Variants in FAM47E observed in about 807,000 individuals in gnomAD.
FAM47E encodes the protein protein FAM47E.
A neutral mutation model predicts 41.6 loss-of-function variants in FAM47E; 32 were observed. That is an observed-to-expected ratio of 0.77 (90% CI 0.58 to 1.03). The LOEUF (loss-of-function observed/expected upper bound fraction) is 1.03. Among genes scored for constraint, FAM47E ranks in the 50% least tolerant of loss-of-function variants. The pLI is 0.00. For missense variants in FAM47E, 424 were observed against 485.4 expected (o/e 0.87, Z 1.19); for synonymous variants, 184 against 188.7 (o/e 0.98, Z 0.20).
chr4:76,282,413 A>C (rs565763839), intron 7 of FAM47E: 1 of 152,304 alleles, frequency 6.6e-6, no homozygotes, highest in East Asian at 1.9e-4. Context: ...CAAGGGTCGC[A>C]TTCCATTCCC....
At chr4:76,215,247 T>C (rs1421171757) in intron 1 of FAM47E, among the ~76,000 whole-genome samples, 1 of 152,212 alleles carries the variant, frequency 6.6e-6, no homozygotes, top group Non-Finnish European at 1.5e-5. Flanking sequence ...GCAACTATAG[T>C]GTATTATCCT....
At chr4:76,274,009 A>C (rs1051492124) in intron 5 of FAM47E, among the ~76,000 whole-genome samples, 1 of 152,180 alleles carries the variant, frequency 6.6e-6, no homozygotes, top group South Asian at 2.1e-4. Context: ...CATAAAAAAC[A>C]TAGTTATAAC....
At chr4:76,233,161 T>A (rs1733521744) in intron 2 of FAM47E, among the ~76,000 whole-genome samples, 1 of 152,252 alleles carries the variant, frequency 6.6e-6, no homozygotes, top group African/African-American at 2.4e-5. Flanking sequence ...CATGTTGTAA[T>A]GGTAACTCCT....
At chr4:76,226,548 G>A (rs1733402481) in intron 2 of FAM47E, among the ~76,000 whole-genome samples, 1 of 152,012 alleles carries the variant, frequency 6.6e-6, no homozygotes, top group Non-Finnish European at 1.5e-5. Flanking sequence ...GTGCTGTGGG[G>A]CAGCCTTCCA....
At chr4:76,229,331 C>T (rs1733453486) in intron 2 of FAM47E, among the ~76,000 whole-genome samples, 1 of 152,148 alleles carries the variant, frequency 6.6e-6, no homozygotes, top group African/African-American at 2.4e-5. Context: ...CTTCTGAATT[C>T]TTCATGTGGC....
chr4:76,223,901 G>C (rs979791261), intron 2 of FAM47E, among the ~76,000 whole-genome samples: 1 of 152,146 alleles, frequency 6.6e-6, no homozygotes, highest in African/African-American at 2.4e-5. Context: ...GGACATTCAG[G>C]CTTGATCTTT....
chr4:76,256,501 T>G lies in FAM47E; in HGVS notation c.398T>G (p.Leu133Arg). 6.4e-7 allele frequency: 1 copy of G among 1,550,502 alleles called. No individual in the cohort carries two copies. The highest frequency in any genetic ancestry group is 1.4e-5 in the African/African-American group (1 of 73,084). ...TPHPLALYLN[L>R]EEAMPIELLS... is the part of the protein sequence containing the mutation. Reference sequence around the variant, plus strand: ...CATCCCTTAGCGCTCTACCTGAATCTGGAAGAAGCTATGCCCATAGAGGTG... The same window carrying G: ...CATCCCTTAGCGCTCTACCTGAATCGGGAAGAAGCTATGCCCATAGAGGTG... Residue 133 changes from leucine to arginine, a missense_variant, in exon 2 of 8, where the codon CTG (leucine) becomes CGG (arginine). Coordinates refer to ENST00000424749, the MANE Select transcript of FAM47E (RefSeq NM_001136570.3).
chr4:76,231,027 G>A (rs1213848129), intron 2 of FAM47E, among the ~76,000 whole-genome samples: 2 of 152,126 alleles, frequency 1.3e-5, no homozygotes, highest in African/African-American at 4.8e-5. Flanking sequence ...TTGGAATTGA[G>A]TTTGGAACAA....
At chr4:76,225,594 A>T (rs1733383226) in intron 2 of FAM47E, among the ~76,000 whole-genome samples, 1 of 152,336 alleles carries the variant, frequency 6.6e-6, no homozygotes, top group South Asian at 2.1e-4. Context: ...TTTTAATCAT[A>T]AAGCGATGCT....
At position 76,271,723 on chromosome 4, in the gene FAM47E, G is replaced by C. The variant is rs574751211; in HGVS notation, c.825G>C (p.Glu275Asp). 3 of 1,551,694 alleles carry C rather than the reference G, an allele frequency of 1.9e-6. No homozygotes were observed. The South Asian group carries it at 3.6e-5, about 18-fold the overall frequency. Residue 275 changes from glutamate (E) to aspartate (D), a missense_variant, in exon 5 of 8, where the codon GAG (glutamate) becomes GAC (aspartate). Physicochemically the swap from Glu to Asp is conservative, Grantham distance 45. Coordinates refer to ENST00000424749, the MANE Select transcript of FAM47E (RefSeq NM_001136570.3). Reference protein sequence around the residue: ...SVGLSKLQETEFFQKLGYERK... With the variant: ...SVGLSKLQETDFFQKLGYERK... ...GGCTCAGTAAACTGCAGGAGACAGA[G>C]TTCTTCCAGAAACTAGGCTATGAGA...
intron 5 of FAM47E, among the ~76,000 whole-genome samples, chr4:76,276,033 GACAGACACACAC>G (rs1312033409): frequency 1.3e-5 from 1 of 79,256 alleles, no homozygotes; most frequent in African/African-American, 4.6e-5. Context: ...CAGACAGACA[GACAGACACACAC>G]ACACACACAC....
chr4:76,220,880 G>C (rs1733294139), intron 2 of FAM47E, among the ~76,000 whole-genome samples: 1 of 152,174 alleles, frequency 6.6e-6, no homozygotes, highest in African/African-American at 2.4e-5. Context: ...GTGCTCACCT[G>C]GGATCAGCTG....
intron 4 of FAM47E, among the ~76,000 whole-genome samples, chr4:76,269,877 A>G (rs532847943): frequency 4.4e-4 from 67 of 151,964 alleles, no homozygotes; most frequent in African/African-American, 1.6e-3. Context: ...ATAGTTGCCT[A>G]TTCCTGTTCC....
chr4:76,231,770 G>C (rs1733497527), intron 2 of FAM47E, among the ~76,000 whole-genome samples: 1 of 152,124 alleles, frequency 6.6e-6, no homozygotes, highest in Admixed American at 6.6e-5. Context: ...TCCTCTTAAG[G>C]TTCCAAGATA....
chr4:76,258,505 T>C (rs1734277473), intron 2 of FAM47E, among the ~76,000 whole-genome samples: 1 of 152,146 alleles, frequency 6.6e-6, no homozygotes, highest in Admixed American at 6.5e-5. Flanking sequence ...ACAGAAATCC[T>C]TTAGAGGCGC....
At position 76,255,941 on chromosome 4, in the gene FAM47E, T is replaced by A. The variant is rs116733703; in HGVS notation, c.75-237T>A. Among the ~76,000 whole-genome samples the A allele has an allele frequency of 1.5e-3, 227 of 152,150 alleles. 2 individuals carry two copies. The highest frequency in any genetic ancestry group is 5.3e-3 in the African/African-American group (221 of 41,472). ...AAGGGAGACCAGTGAGAGTCGGATG[T>A]GGGGATAAAATAGACAAGAAAGCAA... On this transcript the variant is annotated intron_variant, in intron 1 of 7. Coordinates refer to ENST00000424749, the MANE Select transcript of FAM47E (RefSeq NM_001136570.3).
chr4:76,253,335 C>T (rs76523610), intron 1 of FAM47E, among the ~76,000 whole-genome samples: 3,053 of 148,126 alleles, frequency 0.021, 78 homozygotes, highest in Middle Eastern at 0.056. Flanking sequence ...AAGCTGCTAT[C>T]GACATTTGTG....
Position 76,283,498 on chromosome 4 carries a change from C to A in FAM47E, c.*40C>A. The A allele has an allele frequency of 3.4e-6, 4 of 1,184,786 alleles. No homozygotes were observed. The highest frequency in any genetic ancestry group is 4.9e-6 in the Non-Finnish European group (4 of 816,430). 73.4% of individuals were successfully genotyped at this position (1,184,786 alleles called of 1,614,324 possible). The stretch of plus-strand genomic sequence containing the variant: ...AATGATTAGGCAGATTTTATTACTA[C>A]GTACTTGGCTATTTCTCTGTCTCCT... On this transcript the variant is annotated 3_prime_UTR_variant, in exon 8 of 8. Transcript: ENST00000424749.
intron 2 of FAM47E, among the ~76,000 whole-genome samples, chr4:76,221,047 G>A (rs1733298791): frequency 6.6e-6 from 1 of 152,112 alleles, no homozygotes; most frequent in East Asian, 1.9e-4. Context: ...ATCAACTCCT[G>A]TAAAGAGTCA....
Sources: gnomAD v4.1 joint callset for allele counts (sites outside exome capture counted in the v4.1 genomes callset) on GRCh38, gnomAD v4.1.1 for gene constraint, MANE v1.5 for transcripts, NCBI Gene and HGNC (gene_info 2026-07-23, HGNC 2026-07-21) for gene names.